COL4A6: variants seen among roughly 807,000 people sequenced by gnomAD.
COL4A6 encodes the protein collagen alpha-6(IV) chain.
Under a neutral mutation model 126.7 loss-of-function variants are expected in COL4A6, and 59 were observed. The ratio of observed to expected loss-of-function variants is 0.47; its 90% CI spans 0.38 to 0.58. COL4A6 has a LOEUF of 0.58. Ranked by LOEUF, COL4A6 falls within the 20% of genes least tolerant of loss-of-function variation. The pLI is 0.00. For synonymous variants in COL4A6, 547 were observed against 496.6 expected (o/e 1.10, Z -1.35); for missense variants, 1,285 against 1,337.3 (o/e 0.96, Z 0.61).
At chrX:108,177,573 A>AC (rs767805309) in intron 27 of COL4A6, among the ~76,000 whole-genome samples, 2 of 112,093 alleles carry the variant, frequency 1.8e-5, no homozygotes, top group East Asian at 5.6e-4. Flanking sequence ...GTAGAAACCC[A>AC]CAAGGCCCAT....
chrX:108,274,090 C>G (rs944599638), intron 3 of COL4A6, among the ~76,000 whole-genome samples: 2 of 111,371 alleles, frequency 1.8e-5, no homozygotes, highest in Admixed American at 1.9e-4. Flanking sequence ...TCTCACTGTC[C>G]TGAAATGTAG....
chrX:108,439,335 C>A, upstream of COL4A6: 1 of 747,695 alleles, frequency 1.3e-6, no homozygotes, highest in Non-Finnish European at 1.9e-6. Context: ...AAAGTATTCA[C>A]GCACATATAC....
intron 3 of COL4A6, among the ~76,000 whole-genome samples, chrX:108,230,575 G>C (rs1455659931): frequency 1.8e-5 from 2 of 111,885 alleles, no homozygotes; most frequent in Non-Finnish European, 1.9e-5. Flanking sequence ...AGTAGCCAGG[G>C]ATCTTTCTCC....
At chrX:108,254,845 T>C (rs777467332) in intron 3 of COL4A6, among the ~76,000 whole-genome samples, 59 of 110,023 alleles carry the variant, frequency 5.4e-4, no homozygotes, top group Non-Finnish European at 7.8e-4. Context: ...GCCAGGAATG[T>C]GGTGGCTGGG....
intron 2 of COL4A6, among the ~76,000 whole-genome samples, chrX:108,357,663 A>G (rs1200905462): frequency 9.0e-6 from 1 of 110,866 alleles, no homozygotes; most frequent in Non-Finnish European, 1.9e-5. Context: ...TTTACACTAC[A>G]CACTACACAT....
intron 2 of COL4A6, among the ~76,000 whole-genome samples, chrX:108,394,705 T>C (rs150648396): frequency 7.6e-4 from 85 of 112,186 alleles, no homozygotes; most frequent in African/African-American, 2.6e-3. Context: ...AATCACTGAA[T>C]TGTTCACTGA....
intron 38 of COL4A6, 56 bp downstream of exon 38, chrX:108,165,314 C>A (rs1371204975): frequency 1.9e-6 from 2 of 1,039,764 alleles, no homozygotes; most frequent in African/African-American, 3.7e-5. Flanking sequence ...ACATGACTTC[C>A]CCAAATGTCA....
chrX:108,370,011 C>A (rs772619091), intron 2 of COL4A6, among the ~76,000 whole-genome samples: 1 of 111,875 alleles, frequency 8.9e-6, no homozygotes, highest in South Asian at 3.8e-4. Context: ...GACCATTTCC[C>A]CAGAAGGGGG....
chrX:108,214,747 A>G (rs2035811970), intron 5 of COL4A6, among the ~76,000 whole-genome samples: 1 of 112,439 alleles, frequency 8.9e-6, no homozygotes, highest in Non-Finnish European at 1.9e-5. Flanking sequence ...TTGGTCCAAA[A>G]TAAGCAAGTC....
At chrX:108,391,389 C>T (rs1310986758) in intron 2 of COL4A6, among the ~76,000 whole-genome samples, 1 of 111,763 alleles carries the variant, frequency 8.9e-6, no homozygotes, top group African/African-American at 3.3e-5. Flanking sequence ...CAGAGACACC[C>T]TGCCCAGAGA....
intron 3 of COL4A6, among the ~76,000 whole-genome samples, chrX:108,271,186 G>C (rs1395720171): frequency 8.9e-6 from 1 of 112,032 alleles, no homozygotes; most frequent in Non-Finnish European, 1.9e-5. Context: ...CCAAGCAACT[G>C]TTTCTGAGAG....
chrX:108,241,525 C>G (rs1178998699), intron 3 of COL4A6, among the ~76,000 whole-genome samples: 4 of 101,211 alleles, frequency 4.0e-5, no homozygotes, highest in African/African-American at 1.4e-4. Flanking sequence ...AATAAATATA[C>G]ATAATAATAT....
intron 2 of COL4A6, among the ~76,000 whole-genome samples, chrX:108,373,694 T>C (rs1295888192): frequency 1.8e-5 from 2 of 111,687 alleles, no homozygotes. Context: ...TGTTCATTAC[T>C]ATCCAAAGCA....
intron 2 of COL4A6, among the ~76,000 whole-genome samples, chrX:108,372,847 T>A (rs111577063): frequency 1.2e-3 from 133 of 112,334 alleles, no homozygotes; most frequent in African/African-American, 3.8e-3. Context: ...CTATTTAGTA[T>A]GTAGTATTAT....
chrX:108,198,475 G>A (rs1207855134), intron 13 of COL4A6, among the ~76,000 whole-genome samples: 1 of 111,131 alleles, frequency 9.0e-6, no homozygotes. Flanking sequence ...AGACAAATTT[G>A]TGTGGGGGTT....
chrX:108,301,588 C>T lies in COL4A6; in HGVS notation c.144+9160G>A, dbSNP rs370467928. On this transcript the variant is annotated intron_variant, in intron 3 of 44. Coordinates refer to ENST00000334504, the MANE Select transcript of COL4A6 (RefSeq NM_033641.4). ...ATTATGGCCACAAAGGTTTCAGAGG[C>T]CATTTGACATGGTGGAAAGAACACT... 2.7e-5 allele frequency among the ~76,000 whole-genome samples: 3 copies of T among 111,138 alleles called. No individual in the cohort carries two copies. In the East Asian group the frequency reaches 8.5e-4, roughly 31 times the overall value.
At chrX:108,169,174 C>T (rs886816745) in intron 37 of COL4A6, among the ~76,000 whole-genome samples, 3 of 111,594 alleles carry the variant, frequency 2.7e-5, no homozygotes, top group African/African-American at 6.5e-5. Context: ...ACTAAATGGA[C>T]AAGCCCTGTC....
At chrX:108,261,596 A>G (rs1464690710) in intron 3 of COL4A6, among the ~76,000 whole-genome samples, 1 of 111,290 alleles carries the variant, frequency 9.0e-6, no homozygotes, top group Admixed American at 9.6e-5. Flanking sequence ...TAGTTACTCT[A>G]CTATCCCACA....
chrX:108,211,538 T>C, intron 7 of COL4A6, 134 bp downstream of exon 7: 1 of 534,018 alleles, frequency 1.9e-6, no homozygotes, highest in East Asian at 3.4e-5. Flanking sequence ...CCAGATTCTT[T>C]TGAATCCAGC....
Sources: gnomAD v4.1 joint callset for allele counts (sites outside exome capture counted in the v4.1 genomes callset) on GRCh38, gnomAD v4.1.1 for gene constraint, MANE v1.5 for transcripts, NCBI Gene and HGNC (gene_info 2026-07-23, HGNC 2026-07-21) for gene names.